The following BEND7 variants were observed in gnomAD, a reference collection of about 807,000 sequenced individuals.
BEND7 encodes the protein BEN domain-containing protein 7.
A neutral mutation model predicts 50.9 loss-of-function variants in BEND7; 28 were observed. The observed-to-expected ratio is 0.55, with a 90% CI of 0.41 to 0.75. The LOEUF is 0.75. BEND7 is among the 30% of genes least tolerant of loss of function. BEND7 has a pLI of 0.00. For missense variants in BEND7, 477 were observed against 491.3 expected (o/e 0.97, Z 0.28); for synonymous variants, 170 against 183.9 (o/e 0.92, Z 0.61).
Position 13,481,036 on chromosome 10 carries a change from C to T in BEND7, c.926G>A (p.Ser309Asn), listed in dbSNP as rs781555829. ...SILSNYTRSG[S>N]LLFRKLVCAF... ...ACACACCAGTTTTCTAAACAGAAGG[C>T]TTCCTGAGCGAGTGTAGTTTGACAA... is the stretch of plus-strand genomic sequence containing the variant. Residue 309 changes from serine (S) to asparagine (N), a missense_variant, in exon 6 of 9, where the codon AGC (serine) becomes AAC (asparagine). Transcript: ENST00000466271. 6.2e-7 allele frequency: 1 copy of T among 1,614,166 alleles called. No homozygotes were observed.
chr10:13,513,389 A>G (rs2078426675), intron 2 of BEND7, among the ~76,000 whole-genome samples: 1 of 152,204 alleles, frequency 6.6e-6, no homozygotes, highest in Admixed American at 6.5e-5. Context: ...CATACATCCA[A>G]TTGCTTACCA....
chr10:13,489,714 C>T (rs529069067), intron 5 of BEND7, among the ~76,000 whole-genome samples: 2 of 152,106 alleles, frequency 1.3e-5, no homozygotes, highest in African/African-American at 2.4e-5. Context: ...CCAGGAGGAT[C>T]GTTCAAATCA....
upstream of BEND7, chr10:13,529,048 C>A (rs2079579717): frequency 1.4e-5 from 2 of 145,072 alleles, no homozygotes; most frequent in Admixed American, 6.8e-5. Flanking sequence ...TGACCGCCCC[C>A]GCGGGAGGAG....
At chr10:13,456,283 C>G (rs566509382) in intron 6 of BEND7, among the ~76,000 whole-genome samples, 1 of 152,122 alleles carries the variant, frequency 6.6e-6, no homozygotes, top group Non-Finnish European at 1.5e-5. Flanking sequence ...CCGGAGCATG[C>G]AGGAGCAGCT....
intron 4 of BEND7, 140 bp from the exon 5 acceptor site, chr10:13,493,016 A>T (rs1187631952): frequency 5.8e-6 from 6 of 1,037,584 alleles, no homozygotes; most frequent in Non-Finnish European, 8.2e-6. Flanking sequence ...TAAATCTCCA[A>T]CTGGACCTAA....
chr10:13,513,631 T>C (rs1323666133), intron 2 of BEND7, among the ~76,000 whole-genome samples: 1 of 152,142 alleles, frequency 6.6e-6, no homozygotes, highest in Non-Finnish European at 1.5e-5. Context: ...CACCACCCCA[T>C]TCTTGGTATC....
At chr10:13,517,368 G>A (rs1346163860) in intron 2 of BEND7, among the ~76,000 whole-genome samples, 3 of 152,168 alleles carry the variant, frequency 2.0e-5, no homozygotes, top group African/African-American at 7.2e-5. Context: ...GCTGCACATG[G>A]AGGCAAGAGG....
At chr10:13,440,146 A>G (rs1217448523), downstream of BEND7, among the ~76,000 whole-genome samples, 2 of 152,108 alleles carry the variant, frequency 1.3e-5, no homozygotes, top group East Asian at 3.9e-4. Flanking sequence ...CTGTGGCGAA[A>G]TGGGGTCCCC....
intron 6 of BEND7, among the ~76,000 whole-genome samples, chr10:13,472,030 TCGATACCCGTCATCACTGTTAGACTC>T (rs2074901171): frequency 2.7e-5 from 4 of 150,682 alleles, no homozygotes; most frequent in Non-Finnish European, 5.9e-5. Context: ...AGACTCGGGG[TCGATACCCGTCATCACTGTTAGACTC>T]GGGGTCGATA....
At chr10:13,452,293 GA>G (rs1837921650) in intron 7 of BEND7, among the ~76,000 whole-genome samples, 1 of 152,146 alleles carries the variant, frequency 6.6e-6, no homozygotes, top group Non-Finnish European at 1.5e-5. Flanking sequence ...CCACAAATGA[GA>G]TTAGCAATCT....
intron 6 of BEND7, among the ~76,000 whole-genome samples, chr10:13,469,533 G>C (rs565767180): frequency 6.6e-6 from 1 of 152,330 alleles, no homozygotes; most frequent in East Asian, 1.9e-4. Context: ...CTGGACTGCA[G>C]TGGCGTGATC....
intron 2 of BEND7, among the ~76,000 whole-genome samples, chr10:13,524,693 AC>A (rs1206929693): frequency 6.7e-6 from 1 of 150,136 alleles, no homozygotes; most frequent in Non-Finnish European, 1.5e-5. Context: ...AGTTTAGGGG[AC>A]TGGAAAGACT....
In BEND7 at chr10:13,454,438, C is replaced by CTCAATCAA. The variant is rs36049312; in HGVS notation, c.1064-1788_1064-1781dup. 3.2e-3 allele frequency among the ~76,000 whole-genome samples: 481 copies of CTCAATCAA among 151,444 alleles called. 3 individuals are homozygous for CTCAATCAA. The highest frequency in any genetic ancestry group is 0.011 in the African/African-American group (458 of 41,384). On this transcript the variant is annotated intron_variant, in intron 6 of 8. Coordinates refer to ENST00000466271, the MANE Select transcript of BEND7 (RefSeq NM_001369863.1). ...CCTGGGCAATACAGTGAGACCCTGT[C>CTCAATCAA]TCAATCAATCAATCAATCCATCAGT...
chr10:13,466,086 C>G (rs2074220450), intron 6 of BEND7, among the ~76,000 whole-genome samples: 1 of 152,136 alleles, frequency 6.6e-6, no homozygotes, highest in Admixed American at 6.5e-5. Flanking sequence ...TGTTGGGAAA[C>G]AAGAAGAACT....
chr10:13,514,257 G>A (rs564623481), intron 2 of BEND7, among the ~76,000 whole-genome samples: 6 of 152,226 alleles, frequency 3.9e-5, no homozygotes, highest in South Asian at 4.2e-4. Context: ...ATATATTAAC[G>A]TCAATTCTAA....
rs756980144 is a variant in BEND7, at chr10:13,452,515, T to G, written c.1183+24A>C. On this transcript the variant is annotated intron_variant, in intron 7 of 8. Coordinates refer to ENST00000466271, the MANE Select transcript of BEND7 (RefSeq NM_001369863.1). Reference sequence around the variant, plus strand: ...AAGAATTCATAAGTGCTTCTCCAATTATTTTTCTGCACCTTAGTCATACCT... The same window carrying G: ...AAGAATTCATAAGTGCTTCTCCAATGATTTTTCTGCACCTTAGTCATACCT... The G allele has an allele frequency of 1.9e-6, 3 of 1,583,830 alleles. No individual in the cohort carries two copies. In the South Asian group the frequency reaches 3.5e-5, roughly 18 times the overall value.
At chr10:13,507,963 TA>T (rs1464494221) in intron 2 of BEND7, among the ~76,000 whole-genome samples, 1 of 152,216 alleles carries the variant, frequency 6.6e-6, no homozygotes, top group Non-Finnish European at 1.5e-5. Flanking sequence ...TATTTCCTCT[TA>T]AAAACTCATA....
intron 1 of BEND7, among the ~76,000 whole-genome samples, chr10:13,527,393 A>T (rs1054934985): frequency 6.6e-6 from 1 of 152,258 alleles, no homozygotes; most frequent in Non-Finnish European, 1.5e-5. Context: ...CCAAATCCAC[A>T]TCTTAGCTAG....
At chr10:13,526,061 G>T in intron 2 of BEND7, 77 bp downstream of exon 2, 1 of 735,314 alleles carries the variant, frequency 1.4e-6, no homozygotes, top group Non-Finnish European at 2.0e-6. Flanking sequence ...TCCCGTTCCT[G>T]AACAATTTCC....
Sources: gnomAD v4.1 joint callset for allele counts (sites outside exome capture counted in the v4.1 genomes callset) on GRCh38, gnomAD v4.1.1 for gene constraint, MANE v1.5 for transcripts, NCBI Gene and HGNC (gene_info 2026-07-23, HGNC 2026-07-21) for gene names.